TOPORS: variants seen among roughly 807,000 people sequenced by gnomAD.
The protein encoded by TOPORS is E3 ubiquitin-protein ligase Topors.
A neutral mutation model predicts 81.4 loss-of-function variants in TOPORS; 25 were observed. The ratio of observed to expected loss-of-function variants is 0.31; its 90% CI spans 0.22 to 0.43. The LOEUF is 0.43. Ranked by LOEUF, TOPORS falls within the 20% of genes least tolerant of loss-of-function variation. TOPORS has a pLI of 1.00. For missense variants in TOPORS, 1,101 were observed against 1,267.0 expected (o/e 0.87, Z 1.99); for synonymous variants, 473 against 456.6 (o/e 1.04, Z -0.46).
chr9:32,542,658 T>G lies in TOPORS; in HGVS notation c.1867A>C (p.Arg623=). 6.2e-7 allele frequency: 1 copy of G among 1,614,048 alleles called. No homozygotes were observed. Among genetic ancestry groups the G allele is most frequent in the Non-Finnish European group, 8.5e-7 (1 of 1,179,990 alleles). ...CTTCTGGATCGTTTACTTTTCATTC[T>G]TTTCTTCCCATGATGCTTTCTATGA... is the stretch of plus-strand genomic sequence containing the variant. ...KNHRKHHGKK[R]MKSKRSRSRE... Residue 623 remains arginine (R), a synonymous_variant, in exon 3 of 3, where the codon AGA becomes CGA. Transcript: ENST00000360538.
chr9:32,547,292 TTAAAA>T (rs1302350069), intron 2 of TOPORS, among the ~76,000 whole-genome samples: 33 of 152,200 alleles, frequency 2.2e-4, no homozygotes, highest in Admixed American at 9.2e-4. Flanking sequence ...AAATACTAAA[TTAAAA>T]TGTTTTTTAA....
Position 32,543,123 on chromosome 9 carries a change from T to G in TOPORS, c.1402A>C (p.Asn468His). The change falls in exon 3 of 3, where the codon AAT becomes CAT. Residue 468 changes from asparagine (N) to histidine (H), a missense_variant. Physicochemically the swap from Asn to His is moderately conservative, Grantham distance 68. Coordinates refer to ENST00000360538, the MANE Select transcript of TOPORS (RefSeq NM_005802.5). This position sits in a 1 kb window ranked among gnomAD's most constrained non-coding sequence, Gnocchi z 5.6. ...IQGVQTNDDL[N>H]NDSDDSSDNC... ...TCTGAAGAATCATCACTGTCATTAT[T>G]TAGGTCGTCATTGGTTTGTACTCCT... is the stretch of plus-strand genomic sequence containing the variant. 6.2e-7 allele frequency: 1 copy of G among 1,614,122 alleles called. No individual in the cohort carries two copies. The highest frequency in any genetic ancestry group is 1.1e-5 in the South Asian group (1 of 91,074).
chr9:32,545,216 G>A (rs1389592636), intron 2 of TOPORS, among the ~76,000 whole-genome samples: 3 of 152,030 alleles, frequency 2.0e-5, no homozygotes, highest in African/African-American at 7.3e-5. Context: ...ATTCCATTCA[G>A]CATTCCTAAT....
At position 32,544,436 on chromosome 9, in the gene TOPORS, A is replaced by C. The variant is rs1047992129; in HGVS notation, c.199-110T>G. The C allele has an allele frequency of 1.1e-5, 12 of 1,073,326 alleles. No homozygotes were observed. The Admixed American group carries it at 2.0e-4, about 18-fold the overall frequency. The allele number at this position is 1,073,326 out of a possible 1,614,324, so 66.5% of individuals were successfully genotyped here. ...GAAACTTATTTTGGTGAAAATACTT[A>C]AGTGACCCATTACTTTTGTTTTATT... On this transcript the variant is annotated intron_variant, in intron 2 of 2. Coordinates refer to ENST00000360538, the MANE Select transcript of TOPORS (RefSeq NM_005802.5).
rs1821042043 is a variant in TOPORS, at chr9:32,540,608, A to C, written c.*779T>G. On this transcript the variant is annotated 3_prime_UTR_variant, in exon 3 of 3. Transcript: ENST00000360538. The stretch of plus-strand genomic sequence containing the variant: ...GCTGTTTTTACTGATGATAGAAAGC[A>C]AATAAGATACTCCTCAAAATCAAAG... 1 of 152,542 alleles carries C rather than the reference A, an allele frequency of 6.6e-6. No homozygotes were observed. The highest frequency in any genetic ancestry group is 2.1e-4 in the South Asian group (1 of 4,834). The allele number at this position is 152,542 out of a possible 1,614,324, so 9.4% of individuals were successfully genotyped here.
chr9:32,547,561 A>C (rs1348568312), intron 2 of TOPORS, among the ~76,000 whole-genome samples: 2 of 152,222 alleles, frequency 1.3e-5, no homozygotes, highest in East Asian at 3.8e-4. Flanking sequence ...ACATGGATGA[A>C]ACTTTTTATT....
Position 32,541,283 on chromosome 9 carries a change from G to A in TOPORS, c.*104C>T. The A allele has an allele frequency of 8.0e-6, 9 of 1,131,290 alleles. No homozygotes were observed. Among genetic ancestry groups the A allele is most frequent in the Non-Finnish European group, 1.2e-5 (9 of 780,300 alleles). The allele number at this position is 1,131,290 out of a possible 1,614,324, so 70.1% of individuals were successfully genotyped here. ...TCATTTAAAATATTGTAAGGAGGAA[G>A]AGAGTTTTCACCAAATGTCATCTTT... On this transcript the variant is annotated 3_prime_UTR_variant, in exon 3 of 3. Transcript: ENST00000360538.
rs1265255249 is a variant in TOPORS, at chr9:32,542,808, T to G, written c.1717A>C (p.Asn573His). 6.2e-7 allele frequency: 1 copy of G among 1,614,082 alleles called. No individual in the cohort carries two copies. Among genetic ancestry groups the G allele is most frequent in the Non-Finnish European group, 8.5e-7 (1 of 1,180,024 alleles). Residue 573 changes from asparagine to histidine, a missense_variant, in exon 3 of 3, where the codon AAC (asparagine) becomes CAC (histidine). This residue lies in a region of TOPORS where 605 missense variants were observed against 636.1 expected (regional missense o/e 0.95). Transcript: ENST00000360538. Reference protein sequence around the residue: ...KRSTSLSSPRNLNSSVRGDRV... With the variant: ...KRSTSLSSPRHLNSSVRGDRV... ...TCTCCTCTTACAGATGAGTTCAGGTTTCTGGGAGATGACAATGATGTAGAT... is the reference window on the plus strand; with the variant it reads ...TCTCCTCTTACAGATGAGTTCAGGTGTCTGGGAGATGACAATGATGTAGAT...
At chr9:32,549,511 A>C (rs1007100070) in intron 2 of TOPORS, among the ~76,000 whole-genome samples, 1 of 152,200 alleles carries the variant, frequency 6.6e-6, no homozygotes, top group Admixed American at 6.5e-5. Flanking sequence ...AATGGAATTG[A>C]AAAGGTGGTT....
Position 32,541,712 on chromosome 9 carries a change from T to C in TOPORS, c.2813A>G (p.Glu938Gly), listed in dbSNP as rs1821062154. ...NSGPQDPLQN[E>G]FLAPSLEPFE... ...TGGTTCCAAGGAAGGAGCCAAAAAC[T>C]CATTTTGTAGAGGGTCTTGAGGACC... Residue 938 changes from glutamate to glycine, a missense_variant, in exon 3 of 3, where the codon GAG (glutamate) becomes GGG (glycine). Physicochemically the swap from Glu to Gly is moderately conservative, Grantham distance 98 (BLOSUM62 -2). Transcript: ENST00000360538. 6.2e-7 allele frequency: 1 copy of C among 1,614,054 alleles called. No homozygotes were observed. Among genetic ancestry groups the C allele is most frequent in the African/African-American group, 1.3e-5 (1 of 74,908 alleles).
At chr9:32,550,651 G>T in intron 2 of TOPORS, 123 bp downstream of exon 2, 1 of 1,136,314 alleles carries the variant, frequency 8.8e-7, no homozygotes, top group South Asian at 1.5e-5. Context: ...GGCCCGCCGA[G>T]GCCCGGACAG....
In TOPORS at chr9:32,543,782, C is replaced by T. The variant is rs1014386569; in HGVS notation, c.743G>A (p.Arg248Gln). The T allele has an allele frequency of 5.6e-6, 9 of 1,611,214 alleles. No individual in the cohort carries two copies. The highest frequency in any genetic ancestry group is 1.1e-5 in the South Asian group (1 of 90,608). Residue 248 changes from arginine to glutamine, a missense_variant, in exon 3 of 3, where the codon CGG becomes CAG. This residue lies in a region of TOPORS where 120 missense variants were observed against 115.4 expected (regional missense o/e 1.04). Transcript: ENST00000360538. The surrounding 1 kb of genome is among the most constrained non-coding windows in gnomAD (Gnocchi z 5.6). ...RPTTADERSL[R>Q]KIQEQDIINF... ...AATAATATCTTGTTCTTGAATTTTC[C>T]GCAAAGATCTTTCATCTGCCGTAGT...
chr9:32,551,907 T>A, intron 1 of TOPORS: 1 of 355,678 alleles, frequency 2.8e-6, no homozygotes, highest in Non-Finnish European at 6.0e-6. Context: ...ATTTGTCACA[T>A]ATAAAAGAGT....
Position 32,543,296 on chromosome 9 carries a change from G to C in TOPORS, c.1229C>G (p.Thr410Ser). 2 of 1,614,068 alleles carry C rather than the reference G, an allele frequency of 1.2e-6. No homozygotes were observed. Among genetic ancestry groups the C allele is most frequent in the Non-Finnish European group, 8.5e-7 (1 of 1,180,034 alleles). Residue 410 changes from threonine (T) to serine (S), a missense_variant, in exon 3 of 3, where the codon ACT becomes AGT. Physicochemically the swap from Thr to Ser is moderately conservative, Grantham distance 58 (BLOSUM62 1). Transcript: ENST00000360538. This position sits in a 1 kb window ranked among gnomAD's most constrained non-coding sequence, Gnocchi z 5.6. ...ATCATCCCATGGTGCCTGACTAACA[G>C]TGGCTACATTAATATCCAGCTCTTG... Reference protein sequence around the residue: ...ETQELDINVATVSQAPWDDET... With the variant: ...ETQELDINVASVSQAPWDDET...
At chr9:32,548,847 G>A (rs1331526026) in intron 2 of TOPORS, among the ~76,000 whole-genome samples, 1 of 152,104 alleles carries the variant, frequency 6.6e-6, no homozygotes, top group Non-Finnish European at 1.5e-5. Context: ...TAACAATTCG[G>A]GGAAATTTCA....
At chr9:32,551,110 G>A (rs1291498685) in intron 1 of TOPORS, 142 bp from the exon 2 acceptor site, 1 of 1,079,272 alleles carries the variant, frequency 9.3e-7, no homozygotes, top group Non-Finnish European at 1.4e-6. Context: ...CTCGGGGGCG[G>A]GGCTCAGCGC....
intron 1 of TOPORS, 130 bp from the exon 2 acceptor site, chr9:32,551,098 G>T: frequency 8.6e-7 from 1 of 1,168,080 alleles, no homozygotes; most frequent in Non-Finnish European, 1.2e-6. Flanking sequence ...ATGGACGCCG[G>T]CCTCGGGGGC....
chr9:32,544,060 T>A lies in TOPORS; in HGVS notation c.465A>T (p.Glu155Asp). 1 of 1,614,232 alleles carries A rather than the reference T, an allele frequency of 6.2e-7. No homozygotes were observed. Residue 155 changes from glutamate (E) to aspartate (D), a missense_variant, in exon 3 of 3, where the codon GAA (glutamate) becomes GAT (aspartate). Coordinates refer to ENST00000360538, the MANE Select transcript of TOPORS (RefSeq NM_005802.5). ...TTAGGACATACTCCTTGAAGTCATC[T>A]TCTGCCCTCACAGAATGGAAAATAG... ...FDSIFHSVRA[E>D]DDFKEYVLRP...
Position 32,544,318 on chromosome 9 carries a change from T to A in TOPORS, c.207A>T (p.Ala69=), listed in dbSNP as rs1821114403. Residue 69 remains alanine (A), a synonymous_variant, in exon 3 of 3, where the codon GCA becomes GCT. Coordinates refer to ENST00000360538, the MANE Select transcript of TOPORS (RefSeq NM_005802.5). ...CCATTTTAAATTCCTTAGCAGCTGA[T>A]GCCATTATCTGTAAAAGGGAAAGAA... ...RPAPASSEIM[A]SAAKEFKMDN... is the part of the protein sequence containing the mutation. 1 of 1,600,404 alleles carries A rather than the reference T, an allele frequency of 6.2e-7. No individual in the cohort carries two copies. Among genetic ancestry groups the A allele is most frequent in the Non-Finnish European group, 8.5e-7 (1 of 1,179,940 alleles).
Sources: gnomAD v4.1 joint callset for allele counts (sites outside exome capture counted in the v4.1 genomes callset) on GRCh38, gnomAD v4.1.1 for gene constraint, gnomAD v4.1.1 regional missense constraint, Gnocchi (gnomAD v3.1) non-coding constraint, MANE v1.5 for transcripts, NCBI Gene and HGNC (gene_info 2026-07-23, HGNC 2026-07-21) for gene names.